DBF4: variants seen among roughly 807,000 people sequenced by gnomAD.
DBF4 encodes DBF4-CDC7 kinase regulatory subunit.
DBF4 carries 25 observed loss-of-function variants against 76.6 expected under a neutral mutation model. The ratio of observed to expected loss-of-function variants is 0.33; its 90% CI spans 0.24 to 0.46. The LOEUF is 0.46. DBF4 is among the 20% of genes least tolerant of loss of function. The probability of loss-of-function intolerance (pLI) is 1.00; values close to 1 mark genes in which losing one functional copy is unlikely to be tolerated. For synonymous variants in DBF4, 213 were observed against 258.0 expected (o/e 0.83, Z 1.67); for missense variants, 638 against 760.8 (o/e 0.84, Z 1.90).
chr7:87,908,067 A>T lies in DBF4; in HGVS notation c.1929A>T (p.Ile643=), dbSNP rs370479907. 2 of 1,613,482 alleles carry T rather than the reference A, an allele frequency of 1.2e-6. No homozygotes were observed. The highest frequency in any genetic ancestry group is 1.7e-6 in the Non-Finnish European group (2 of 1,179,730). The change falls in exon 12 of 12, where the codon ATA becomes ATT. Residue 643 remains isoleucine (I), a synonymous_variant. Coordinates refer to ENST00000265728, the MANE Select transcript of DBF4 (RefSeq NM_006716.4). ...CAAGCTACACAGAAAAGAGTGGTAT[A>T]TGCAATGTTTTAGATATTTGGGAAG... ...GFTSYTEKSG[I]CNVLDIWEEE...
chr7:87,904,753 A>G (rs77491588), intron 11 of DBF4, among the ~76,000 whole-genome samples: 1 of 152,088 alleles, frequency 6.6e-6, no homozygotes, highest in Non-Finnish European at 1.5e-5. Flanking sequence ...AAATAAATAA[A>G]TAAATTATAC....
At chr7:87,903,593 T>C (rs1479246050) in intron 10 of DBF4, among the ~76,000 whole-genome samples, 1 of 152,110 alleles carries the variant, frequency 6.6e-6, no homozygotes, top group Non-Finnish European at 1.5e-5. Flanking sequence ...TATTATTCTA[T>C]AAGCTCTGCC....
At chr7:87,888,273 T>C (rs1385952109) in intron 6 of DBF4, 6 of 984,660 alleles carry the variant, frequency 6.1e-6, no homozygotes, top group Non-Finnish European at 7.2e-6. Context: ...GGTCGCTTCC[T>C]CAGCCCCCTT....
intron 10 of DBF4, among the ~76,000 whole-genome samples, chr7:87,901,982 TAAAC>T (rs998151319): frequency 2.0e-5 from 3 of 152,182 alleles, no homozygotes; most frequent in Non-Finnish European, 4.4e-5. Flanking sequence ...TTTTATGTAA[TAAAC>T]AAGAAAACTA....
intron 7 of DBF4, 57 bp downstream of exon 7, chr7:87,896,567 A>T (rs1018211313): frequency 2.0e-6 from 3 of 1,471,176 alleles, no homozygotes; most frequent in South Asian, 1.2e-5. Context: ...ATCATAAAAG[A>T]TCTTCTAAAA....
chr7:87,877,113 GC>G (rs977966501), intron 1 of DBF4, among the ~76,000 whole-genome samples: 3 of 152,186 alleles, frequency 2.0e-5, no homozygotes, highest in African/African-American at 7.2e-5. Flanking sequence ...CTAAGCCTCC[GC>G]CCGGGCCCTT....
At chr7:87,905,402 G>T (rs1839892632) in intron 11 of DBF4, among the ~76,000 whole-genome samples, 1 of 152,122 alleles carries the variant, frequency 6.6e-6, no homozygotes, top group Admixed American at 6.6e-5. Flanking sequence ...GAACTTTTAG[G>T]TAATATTAAG....
rs779390388 is a variant in DBF4, at chr7:87,907,944, T to C, written c.1806T>C (p.Phe602=). The C allele has an allele frequency of 6.2e-7, 1 of 1,612,710 alleles. No homozygotes were observed. Among genetic ancestry groups the C allele is most frequent in the Non-Finnish European group, 8.5e-7 (1 of 1,179,622 alleles). Residue 602 remains phenylalanine (F), a synonymous_variant, in exon 12 of 12, where the codon TTT becomes TTC. Transcript: ENST00000265728. ...PNAEFDKRTE[F]ITQEENRICS... is the part of the protein sequence containing the mutation. ...CTGAATTTGATAAAAGAACTGAATT[T>C]ATTACACAAGAAGAAAACAGAATTT...
In DBF4 at chr7:87,896,810, A is replaced by G. The variant is rs556143372; in HGVS notation, c.634+300A>G. ...TGATAACTTGCTTTTTATTACACAGAACAGATTCTAGCAGTGAATCTAATT... is the reference window on the plus strand; with the variant it reads ...TGATAACTTGCTTTTTATTACACAGGACAGATTCTAGCAGTGAATCTAATT... On this transcript the variant is annotated intron_variant, in intron 7 of 11. Transcript: ENST00000265728. Among the ~76,000 whole-genome samples the G allele has an allele frequency of 2.8e-3, 419 of 152,346 alleles. 3 individuals are homozygous for G. The highest frequency in any genetic ancestry group is 2.1e-3 in the Non-Finnish European group (144 of 68,014).
At chr7:87,890,681 A>T (rs959041443) in intron 6 of DBF4, among the ~76,000 whole-genome samples, 3 of 152,194 alleles carry the variant, frequency 2.0e-5, no homozygotes, top group African/African-American at 4.8e-5. Flanking sequence ...GTGCCTAGTC[A>T]GTGTCTTGAG....
chr7:87,896,435 CT>C, intron 6 of DBF4, 38 bp from the exon 7 acceptor site: 2 of 1,586,978 alleles, frequency 1.3e-6, no homozygotes, highest in Non-Finnish European at 1.7e-6. Flanking sequence ...TTTAACTGTA[CT>C]TTCAAAGCCA....
intron 6 of DBF4, among the ~76,000 whole-genome samples, chr7:87,891,777 G>T (rs571779198): frequency 7.2e-4 from 109 of 152,084 alleles, no homozygotes; most frequent in African/African-American, 2.3e-3. Flanking sequence ...CAGTTTTATT[G>T]ATTTCTGCTC....
At chr7:87,887,819 G>T (rs1055836599) in intron 5 of DBF4, 164 bp from the exon 6 acceptor site, 11 of 645,460 alleles carry the variant, frequency 1.7e-5, no homozygotes, top group Non-Finnish European at 2.4e-5. Flanking sequence ...TCACACTGGG[G>T]GTTAAATTTC....
chr7:87,907,787 C>G lies in DBF4; in HGVS notation c.1649C>G (p.Pro550Arg). 1.2e-6 allele frequency: 2 copies of G among 1,614,048 alleles called. No individual in the cohort carries two copies. The highest frequency in any genetic ancestry group is 1.7e-6 in the Non-Finnish European group (2 of 1,179,948). Residue 550 changes from proline to arginine, a missense_variant, in exon 12 of 12, where the codon CCA (proline) becomes CGA (arginine). Coordinates refer to ENST00000265728, the MANE Select transcript of DBF4 (RefSeq NM_006716.4). ...QEHLTVQAKAPFHTPPEEPNE... is the reference protein window; with the variant it reads ...QEHLTVQAKARFHTPPEEPNE... ...CACCTAACTGTTCAGGCAAAGGCTC[C>G]ATTCCATACTCCTCCTGAGGAACCC...
In DBF4 at chr7:87,885,092, A is replaced by T. The variant is rs1301622122; in HGVS notation, c.333A>T (p.Ala111=). The part of the protein sequence containing the change: ...RISPVPSPES[A]YTAETTSPHP... ...CTCCTGTACCAAGTCCAGAATCTGC[A>T]TATACTGCAGAAACCACTTCACCTC... Residue 111 remains alanine, a synonymous_variant, in exon 3 of 12, where the codon GCA becomes GCT. Transcript: ENST00000265728. The T allele has an allele frequency of 6.2e-7, 1 of 1,614,068 alleles. No homozygotes were observed. Among genetic ancestry groups the T allele is most frequent in the Non-Finnish European group, 8.5e-7 (1 of 1,179,940 alleles).
In DBF4 at chr7:87,878,073, G is replaced by GA. The variant is rs762918884; in HGVS notation, c.74dup (p.Asn25LysfsTer11). 7 of 1,602,016 alleles carry GA rather than the reference G, an allele frequency of 4.4e-6. No homozygotes were observed. The highest frequency in any genetic ancestry group is 1.7e-5 in the Admixed American group (1 of 57,808). ...AATAGGTGGAATCCAAGTCAAAAAT[G>GA]AAAAAAACAGACCATCTCTGAAATC... On this transcript the variant is annotated frameshift_variant, in exon 2 of 12. Coordinates refer to ENST00000265728, the MANE Select transcript of DBF4 (RefSeq NM_006716.4). LOFTEE classifies it high-confidence loss of function.
At chr7:87,893,447 T>C (rs533598932) in intron 6 of DBF4, among the ~76,000 whole-genome samples, 6 of 151,630 alleles carry the variant, frequency 4.0e-5, no homozygotes, top group African/African-American at 1.4e-4. Context: ...GGGTTTCACC[T>C]TGTTAGCCAG....
chr7:87,896,319 A>G, intron 6 of DBF4, 155 bp from the exon 7 acceptor site: 2 of 628,472 alleles, frequency 3.2e-6, no homozygotes, highest in South Asian at 3.8e-5. Context: ...ATTGTAAAAC[A>G]TTTAAAAACA....
At chr7:87,893,589 G>GCT (rs1230016888) in intron 6 of DBF4, among the ~76,000 whole-genome samples, 11 of 152,146 alleles carry the variant, frequency 7.2e-5, no homozygotes, top group African/African-American at 2.4e-4. Flanking sequence ...CCTCTGTAAT[G>GCT]CTCTCTCTTC....
Sources: allele counts gnomAD v4.1 joint callset (sites outside exome capture counted in the v4.1 genomes callset), GRCh38; gene constraint gnomAD v4.1.1; transcripts MANE v1.5; gene names NCBI Gene and HGNC (gene_info 2026-07-23, HGNC 2026-07-21).